Variants in TAL1 observed in about 807,000 individuals in gnomAD.
The protein encoded by TAL1 is T-cell acute lymphocytic leukemia protein 1.
Under a neutral mutation model 17.9 loss-of-function variants are expected in TAL1, and 8 were observed. That is an observed-to-expected ratio of 0.45 (90% CI 0.26 to 0.81). TAL1 has a LOEUF of 0.81. Ranked by LOEUF, TAL1 falls within the 30% of genes least tolerant of loss-of-function variation. The pLI is 0.17. For synonymous variants in TAL1, 223 were observed against 218.6 expected (o/e 1.02, Z -0.18); for missense variants, 466 against 486.9 (o/e 0.96, Z 0.40).
chr1:47,217,922 G>A (rs1645531574), exon 4 of TAL1: 2 of 396,848 alleles, frequency 5.0e-6, no homozygotes. Flanking sequence ...TGGGGAGCCT[G>A]AAATTGAATG....
intron 1 of TAL1, among the ~76,000 whole-genome samples, chr1:47,226,773 G>C (rs1569921463): frequency 6.6e-6 from 1 of 152,210 alleles, no homozygotes; most frequent in South Asian, 2.1e-4. Context: ...AGGTAGAATG[G>C]AGCTGGGCAT....
chr1:47,218,882 T>C (rs1381773364), exon 4 of TAL1: 2 of 246,052 alleles, frequency 8.1e-6, no homozygotes, highest in African/African-American at 4.4e-5. Flanking sequence ...GCATGAACAG[T>C]GATGTCGAGG....
chr1:47,225,549 C>G, exon 2 of TAL1: 2 of 1,272,912 alleles, frequency 1.6e-6, no homozygotes, highest in Non-Finnish European at 2.0e-6. Context: ...CGGCCGTCGC[C>G]GGGCAGCTCC....
chr1:47,219,734 C>T (rs1382221282), exon 4 of TAL1: 7 of 1,610,118 alleles, frequency 4.3e-6, no homozygotes, highest in Admixed American at 1.7e-5. Context: ...CGAGGGCCGG[C>T]TCCATCGGCG....
At chr1:47,227,807 T>C (rs1643934693) in intron 1 of TAL1, 1 of 151,400 alleles carries the variant, frequency 6.6e-6, no homozygotes, top group Non-Finnish European at 1.5e-5. Context: ...CCAGGTCCTC[T>C]TGCTCCCAGC....
chr1:47,217,301 T>C, exon 4 of TAL1: 1 of 385,502 alleles, frequency 2.6e-6, no homozygotes, highest in African/African-American at 2.1e-5. Context: ...GGTGAGAGGA[T>C]TGCTTGAGCC....
At chr1:47,223,921 G>T in intron 3 of TAL1, 83 bp downstream of exon 4, 2 of 1,333,458 alleles carry the variant, frequency 1.5e-6, no homozygotes, top group South Asian at 1.2e-5. Flanking sequence ...AGATACCTAC[G>T]GAGTAGTCCC....
chr1:47,222,134 A>G (rs1265247266), intron 3 of TAL1, among the ~76,000 whole-genome samples: 1 of 152,238 alleles, frequency 6.6e-6, no homozygotes, highest in Non-Finnish European at 1.5e-5. Context: ...CATAGGGAGG[A>G]CAGTCCCTCC....
At chr1:47,219,271 C>T (rs765570904) in exon 4 of TAL1, 15 of 455,930 alleles carry the variant, frequency 3.3e-5, no homozygotes, top group Admixed American at 6.5e-5. Flanking sequence ...TATTGGGTAC[C>T]TATAAATATG....
upstream of TAL1, chr1:47,230,282 A>AT (rs1244680624): frequency 6.6e-6 from 1 of 152,026 alleles, no homozygotes. Context: ...GCTTGCTTTT[A>AT]TTTTTTCCTA....
exon 1 of TAL1, chr1:47,229,509 A>T (rs1027610331): frequency 5.8e-6 from 1 of 172,182 alleles, no homozygotes. Context: ...TCCGCCCCCA[A>T]CCTGCAGGTG....
chr1:47,218,482 A>C (rs1403702655), exon 4 of TAL1: 3 of 232,952 alleles, frequency 1.3e-5, no homozygotes, highest in Non-Finnish European at 2.5e-5. Flanking sequence ...CTTCTATTGC[A>C]TTAAACCAAC....
exon 4 of TAL1, chr1:47,216,747 A>G: frequency 4.3e-6 from 1 of 231,466 alleles, no homozygotes. Flanking sequence ...GTCTTAAAAG[A>G]TGTGATTCCC....
chr1:47,231,820 A>G (rs1644019061), upstream of TAL1: 1 of 233,750 alleles, frequency 4.3e-6, no homozygotes, highest in Non-Finnish European at 8.5e-6. Flanking sequence ...GAAGCAGCCA[A>G]CGCCGCCCAC....
upstream of TAL1, among the ~76,000 whole-genome samples, chr1:47,231,463 GCAAA>G (rs1362647393): frequency 6.6e-6 from 1 of 151,852 alleles, no homozygotes; most frequent in East Asian, 1.9e-4. Context: ...CAGAAGGGCA[GCAAA>G]CAAACACCAC....
exon 2 of TAL1, chr1:47,225,878 C>T: frequency 6.4e-7 from 1 of 1,571,170 alleles, no homozygotes; most frequent in Non-Finnish European, 8.6e-7. Context: ...GCTCGGCGGC[C>T]GCTCGGTCAT....
exon 2 of TAL1, chr1:47,225,820 C>A (rs753953215): frequency 1.3e-6 from 2 of 1,579,712 alleles, no homozygotes; most frequent in Admixed American, 1.7e-5. Flanking sequence ...CCATGCTGGC[C>A]TCGGCCGCGT....
At position 47,228,453 on chromosome 1, in the gene TAL1, G is replaced by A. The variant is rs181324542; in HGVS notation, c.-2+743C>T. 1.6e-3 allele frequency: 303 copies of A among 194,398 alleles called. 2 individuals are homozygous for A. Among genetic ancestry groups the A allele is most frequent in the South Asian group, 2.1e-3 (11 of 5,152 alleles). 12.0% of individuals were successfully genotyped at this position (194,398 alleles called of 1,614,324 possible). On this transcript the variant is annotated intron_variant, in intron 1 of 3. Coordinates refer to ENST00000294339, the Ensembl canonical transcript of TAL1. ...TACAGCTCCTCTCTCTTTGTACTAC[G>A]GAGACCCTGCTTATAGCCCCCAACA...
chr1:47,220,097 A>C, exon 4 of TAL1: 2 of 1,612,724 alleles, frequency 1.2e-6, no homozygotes, highest in Non-Finnish European at 1.7e-6. Flanking sequence ...AGCTCGGCAA[A>C]GGCCCCGTTC....
Sources: allele counts gnomAD v4.1 joint callset (sites outside exome capture counted in the v4.1 genomes callset), GRCh38; gene constraint gnomAD v4.1.1; transcripts MANE v1.5; gene names NCBI Gene and HGNC (gene_info 2026-07-23, HGNC 2026-07-21).